The following CCSER1 variants were observed in gnomAD, a reference collection of about 807,000 sequenced individuals.
CCSER1 encodes the protein coiled-coil serine rich protein 1.
Under a neutral mutation model 82.0 loss-of-function variants are expected in CCSER1, and 41 were observed. The observed-to-expected ratio is 0.50, with a 90% CI of 0.39 to 0.65. The LOEUF is 0.65. Ranked by LOEUF, CCSER1 falls within the 30% of genes least tolerant of loss-of-function variation. The pLI is 0.00. For synonymous variants in CCSER1, 414 were observed against 383.9 expected (o/e 1.08, Z -0.92); for missense variants, 1,119 against 1,064.2 (o/e 1.05, Z -0.72).
chr4:91,309,950 C>G (rs942577471), intron 10 of CCSER1, among the ~76,000 whole-genome samples: 1 of 151,854 alleles, frequency 6.6e-6, no homozygotes, highest in Admixed American at 6.6e-5. Context: ...ATTGGCAGGG[C>G]CTTCCTGCCT....
At chr4:91,161,589 T>C (rs768619753) in intron 10 of CCSER1, among the ~76,000 whole-genome samples, 141 of 152,312 alleles carry the variant, frequency 9.3e-4, no homozygotes, top group Non-Finnish European at 9.8e-4. Context: ...TGAGCAGTAG[T>C]TTGTAGTTCT....
chr4:91,123,807 G>C (rs1049930105), intron 10 of CCSER1, among the ~76,000 whole-genome samples: 4 of 151,636 alleles, frequency 2.6e-5, no homozygotes, highest in East Asian at 1.9e-4. Flanking sequence ...ATTTTTTTCT[G>C]TATGTAACTG....
In CCSER1 at chr4:90,382,872, C is replaced by G. The variant is rs150626735; in HGVS notation, c.1510-17164C>G. On this transcript the variant is annotated intron_variant, in intron 3 of 10. Transcript: ENST00000509176. ...TATGTGTTAGAGTGTTCTTATTCAACTATTTATTGCTGAGTATTAAATTGC... is the reference window on the plus strand; with the variant it reads ...TATGTGTTAGAGTGTTCTTATTCAAGTATTTATTGCTGAGTATTAAATTGC... 3.0e-5 allele frequency among the ~76,000 whole-genome samples: 4 copies of G among 131,282 alleles called. No homozygotes were observed. The East Asian group carries it at 8.7e-4, about 29-fold the overall frequency. The allele number at this position is 131,282 out of a possible 152,430, so 86.1% of individuals were successfully genotyped here.
At chr4:90,674,880 C>A (rs1045848606) in intron 6 of CCSER1, among the ~76,000 whole-genome samples, 2 of 151,622 alleles carry the variant, frequency 1.3e-5, no homozygotes, top group East Asian at 1.9e-4. Flanking sequence ...AAACAAAGAC[C>A]CTCCTGACCC....
At chr4:91,371,033 TG>T (rs1357459176) in intron 10 of CCSER1, among the ~76,000 whole-genome samples, 5 of 152,122 alleles carry the variant, frequency 3.3e-5, no homozygotes, top group Admixed American at 3.3e-4. Flanking sequence ...AGCTAATTTT[TG>T]TATTTTTAGT....
At chr4:90,794,542 C>T (rs765684859) in intron 7 of CCSER1, among the ~76,000 whole-genome samples, 11 of 152,112 alleles carry the variant, frequency 7.2e-5, no homozygotes, top group Admixed American at 2.0e-4. Context: ...TGTACCAGTA[C>T]CATGCTGTTT....
chr4:90,145,295 G>A (rs992928166), intron 1 of CCSER1, among the ~76,000 whole-genome samples: 1 of 152,100 alleles, frequency 6.6e-6, no homozygotes, highest in African/African-American at 2.4e-5. Context: ...GTAAGTGATT[G>A]TGGAATGCCA....
chr4:90,314,554 A>G (rs1424397932), intron 3 of CCSER1, among the ~76,000 whole-genome samples: 1 of 152,028 alleles, frequency 6.6e-6, no homozygotes, highest in African/African-American at 2.4e-5. Context: ...TTCTAGTTTG[A>G]GACAAGCCTA....
intron 7 of CCSER1, among the ~76,000 whole-genome samples, chr4:90,754,991 A>G (rs777335424): frequency 5.3e-5 from 8 of 152,092 alleles, no homozygotes; most frequent in Non-Finnish European, 1.0e-4. Flanking sequence ...CAGCTATTGG[A>G]GTTCCTGCCA....
At chr4:91,308,727 A>T (rs958190027) in intron 10 of CCSER1, among the ~76,000 whole-genome samples, 3 of 152,000 alleles carry the variant, frequency 2.0e-5, no homozygotes, top group Non-Finnish European at 4.4e-5. Flanking sequence ...TATTTTTTCA[A>T]AGAATGTTAA....
chr4:91,352,606 A>G (rs1272618486), intron 10 of CCSER1, among the ~76,000 whole-genome samples: 1 of 152,230 alleles, frequency 6.6e-6, no homozygotes, highest in African/African-American at 2.4e-5. Context: ...AATTTTTCAT[A>G]TAAAGGTTAG....
chr4:90,314,232 G>A (rs1209130833), intron 3 of CCSER1, among the ~76,000 whole-genome samples: 1 of 152,038 alleles, frequency 6.6e-6, no homozygotes, highest in Non-Finnish European at 1.5e-5. Context: ...GTTTACATTT[G>A]TACATATGGA....
At chr4:90,331,058 T>C (rs985686783) in intron 3 of CCSER1, among the ~76,000 whole-genome samples, 3 of 152,028 alleles carry the variant, frequency 2.0e-5, no homozygotes, top group Non-Finnish European at 4.4e-5. Flanking sequence ...TTTGGTACTA[T>C]AGCTTTGCTA....
rs115431205 is a variant in CCSER1 at position 90,794,947 on chromosome 4, G to A, written c.2011-20815G>A. Among the ~76,000 whole-genome samples the A allele has an allele frequency of 4.6e-3, 695 of 152,108 alleles. 5 individuals are homozygous for A. Among genetic ancestry groups the A allele is most frequent in the African/African-American group, 0.016 (670 of 41,496 alleles). Reference sequence around the variant, plus strand: ...GTGTGTGGCAACTGTAAATTGGATTGCATTCCTGATTTGGCTCTCAGCTTG... The same window carrying A: ...GTGTGTGGCAACTGTAAATTGGATTACATTCCTGATTTGGCTCTCAGCTTG... On this transcript the variant is annotated intron_variant, in intron 7 of 10. Transcript: ENST00000509176.
At position 90,313,019 on chromosome 4, in the gene CCSER1, G is replaced by A; in HGVS notation, c.1481G>A (p.Gly494Asp). 1.2e-6 allele frequency: 2 copies of A among 1,604,486 alleles called. No individual in the cohort carries two copies. The highest frequency in any genetic ancestry group is 4.5e-5 in the East Asian group (2 of 44,656). The stretch of plus-strand genomic sequence containing the variant: ...AATAGTTTAAGAAAGCAAAGAGCAG[G>A]TTCTTCATCTTCAAAAATGAACAGT... ...EVNSLRKQRA[G>D]SSSSKMNSLD... is the part of the protein sequence containing the mutation. The change falls in exon 3 of 11, where the codon GGT becomes GAT. Residue 494 changes from glycine to aspartate, a missense_variant. By Grantham distance (94) the Gly-to-Asp change is moderately conservative (BLOSUM62 -1). Coordinates refer to ENST00000509176, the MANE Select transcript of CCSER1 (RefSeq NM_001145065.2).
At chr4:91,081,783 T>A (rs1038053745) in intron 9 of CCSER1, among the ~76,000 whole-genome samples, 15 of 151,408 alleles carry the variant, frequency 9.9e-5, no homozygotes, top group East Asian at 1.9e-4. Context: ...ACAAACAGAG[T>A]GCCAAATTAT....
intron 10 of CCSER1, among the ~76,000 whole-genome samples, chr4:91,107,785 G>T (rs1328103600): frequency 6.6e-6 from 1 of 151,902 alleles, no homozygotes; most frequent in Non-Finnish European, 1.5e-5. Context: ...AGACATTAAG[G>T]CACTGTGGTT....
chr4:90,870,812 TG>T (rs1766374469), intron 8 of CCSER1, among the ~76,000 whole-genome samples: 1 of 138,194 alleles, frequency 7.2e-6, no homozygotes, highest in Non-Finnish European at 1.6e-5. Context: ...ACCAGGTCCT[TG>T]GCTTTTTTTT....
At position 90,279,267 on chromosome 4, in the gene CCSER1, C is replaced by G. The variant is rs938633938; in HGVS notation, c.-41-28977C>G. Among the ~76,000 whole-genome samples the G allele has an allele frequency of 2.0e-5, 3 of 151,804 alleles. No homozygotes were observed. In the East Asian group the frequency reaches 5.8e-4, roughly 29 times the overall value. The stretch of plus-strand genomic sequence containing the variant: ...TTGTATTCTGCTGGAGTCTTGCATT[C>G]TGAAATTCTTGGAAAATAGACTGTA... On this transcript the variant is annotated intron_variant, in intron 1 of 10. Coordinates refer to ENST00000509176, the MANE Select transcript of CCSER1 (RefSeq NM_001145065.2).
Sources: gnomAD v4.1 joint callset for allele counts (sites outside exome capture counted in the v4.1 genomes callset) on GRCh38, gnomAD v4.1.1 for gene constraint, MANE v1.5 for transcripts, NCBI Gene and HGNC (gene_info 2026-07-23, HGNC 2026-07-21) for gene names.